MSH3: variants seen among roughly 807,000 people sequenced by gnomAD.
The protein encoded by MSH3 is mutS homolog 3, also known as DNA mismatch repair protein Msh3.
A neutral mutation model predicts 123.3 loss-of-function variants in MSH3; 106 were observed. The observed-to-expected ratio is 0.86, with a 90% confidence interval of 0.73 to 1.01. The LOEUF (loss-of-function observed/expected upper bound fraction) is 1.01, where lower values mean the gene tolerates loss of function less well. Ranked by LOEUF, MSH3 falls within the 50% of genes least tolerant of loss-of-function variation. The probability of loss-of-function intolerance (pLI) is 0.00; values close to 1 mark genes in which losing one functional copy is unlikely to be tolerated. For missense variants in MSH3, 1,459 were observed against 1,347.6 expected (o/e 1.08, Z -1.29); for synonymous variants, 515 against 481.4 (o/e 1.07, Z -0.91).
At chr5:80,701,528 A>G (rs1391607771) in intron 8 of MSH3, among the ~76,000 whole-genome samples, 3 of 152,144 alleles carry the variant, frequency 2.0e-5, no homozygotes, top group Non-Finnish European at 4.4e-5. Context: ...AACTCCAAAT[A>G]CAGTTACTGT....
intron 10 of MSH3, among the ~76,000 whole-genome samples, chr5:80,733,243 T>C (rs866855672): frequency 6.6e-6 from 1 of 152,182 alleles, no homozygotes; most frequent in Non-Finnish European, 1.5e-5. Flanking sequence ...AATAGATTTT[T>C]TTCAAACAAA....
intron 15 of MSH3, among the ~76,000 whole-genome samples, chr5:80,770,710 AAC>A (rs1367196333): frequency 1.3e-5 from 2 of 152,206 alleles, no homozygotes; most frequent in Admixed American, 6.5e-5. Flanking sequence ...TCCAAATATT[AAC>A]ACAAAGATTC....
chr5:80,840,040 GA>G (rs1462445971), intron 20 of MSH3, among the ~76,000 whole-genome samples: 2 of 152,134 alleles, frequency 1.3e-5, no homozygotes, highest in African/African-American at 4.8e-5. Flanking sequence ...AAAATATGAA[GA>G]AATTTTTTAT....
chr5:80,817,463 C>A (rs1745125640), intron 20 of MSH3, among the ~76,000 whole-genome samples: 1 of 152,150 alleles, frequency 6.6e-6, no homozygotes, highest in Middle Eastern at 3.4e-3. Context: ...CAGGAGAGAT[C>A]CAGTGAGGGA....
At chr5:80,705,840 G>A (rs1750711628) in intron 8 of MSH3, among the ~76,000 whole-genome samples, 1 of 152,120 alleles carries the variant, frequency 6.6e-6, no homozygotes, top group Non-Finnish European at 1.5e-5. Context: ...GGTCATATTG[G>A]ATTAGGGCCC....
At chr5:80,835,609 T>C (rs1338936480) in intron 20 of MSH3, among the ~76,000 whole-genome samples, 1 of 152,130 alleles carries the variant, frequency 6.6e-6, no homozygotes, top group East Asian at 1.9e-4. Flanking sequence ...AAATGCAGTG[T>C]TTTTAACTAA....
intron 13 of MSH3, among the ~76,000 whole-genome samples, chr5:80,764,786 G>A (rs1348882116): frequency 6.6e-6 from 1 of 152,166 alleles, no homozygotes; most frequent in Non-Finnish European, 1.5e-5. Flanking sequence ...AGTAACTGCC[G>A]AGGTTGGTGA....
chr5:80,818,443 G>GA (rs1264134977), intron 20 of MSH3, among the ~76,000 whole-genome samples: 1 of 130,410 alleles, frequency 7.7e-6, no homozygotes, highest in Non-Finnish European at 1.6e-5. Flanking sequence ...AGAGGGAAGA[G>GA]AACCTGCATA....
intron 20 of MSH3, among the ~76,000 whole-genome samples, chr5:80,814,166 C>A (rs1745060229): frequency 6.6e-6 from 1 of 151,282 alleles, no homozygotes; most frequent in African/African-American, 2.4e-5. Context: ...AGAAAAAAAA[C>A]CCACGTTATT....
At chr5:80,762,796 TTATGTTATGTTATGTTATG>T (rs1561469598) in intron 13 of MSH3, among the ~76,000 whole-genome samples, 22 of 134,322 alleles carry the variant, frequency 1.6e-4, no homozygotes, top group African/African-American at 5.8e-4. Context: ...TTATTTTATG[TTATGTTATGTTATGTTATG>T]TTATGTTATG....
intron 19 of MSH3, among the ~76,000 whole-genome samples, chr5:80,802,222 T>G (rs2112038102): frequency 6.6e-6 from 1 of 150,988 alleles, no homozygotes; most frequent in Admixed American, 6.7e-5. Flanking sequence ...AATTTTTATA[T>G]CCTGCTCTTT....
At chr5:80,676,356 G>A (rs572327073) in intron 7 of MSH3, among the ~76,000 whole-genome samples, 1 of 152,256 alleles carries the variant, frequency 6.6e-6, no homozygotes, top group South Asian at 2.1e-4. Flanking sequence ...TGATTTTCTG[G>A]CAGTTTATGA....
In MSH3 at chr5:80,873,178, G is replaced by T; in HGVS notation, c.3193G>T (p.Ala1065Ser). Residue 1065 changes from alanine to serine, a missense_variant, in exon 23 of 24, where the codon GCA (alanine) becomes TCA (serine). Physicochemically the swap from Ala to Ser is moderately conservative, Grantham distance 99. Coordinates refer to ENST00000265081, the MANE Select transcript of MSH3 (RefSeq NM_002439.5). Reference sequence around the variant, plus strand: ...TTACCAAATAACTAGAGGAATTGCAGCAAGGAGTTATGGATTAAATGTGGC... The same window carrying T: ...TTACCAAATAACTAGAGGAATTGCATCAAGGAGTTATGGATTAAATGTGGC... Reference protein sequence around the residue: ...FLYQITRGIAARSYGLNVAKL... With the variant: ...FLYQITRGIASRSYGLNVAKL... The T allele has an allele frequency of 6.2e-7, 1 of 1,613,738 alleles. No homozygotes were observed. Among genetic ancestry groups the T allele is most frequent in the Non-Finnish European group, 8.5e-7 (1 of 1,179,690 alleles).
At chr5:80,713,166 T>C (rs2112846502) in intron 8 of MSH3, among the ~76,000 whole-genome samples, 2 of 152,334 alleles carry the variant, frequency 1.3e-5, no homozygotes, top group African/African-American at 2.4e-5. Context: ...TTGTTCACAG[T>C]TGAACATTAG....
At chr5:80,655,214 A>G (rs1263495054) in intron 1 of MSH3, 3 of 353,208 alleles carry the variant, frequency 8.5e-6, no homozygotes, top group Non-Finnish European at 1.5e-5. Context: ...TGAGACAGGA[A>G]CTCAGGTCTC....
At chr5:80,732,728 G>T (rs1469726226) in intron 10 of MSH3, among the ~76,000 whole-genome samples, 1 of 152,066 alleles carries the variant, frequency 6.6e-6, no homozygotes, top group Non-Finnish European at 1.5e-5. Context: ...ATACTGGCTT[G>T]GTTTAAAAAT....
chr5:80,842,147 A>G (rs1442190181), intron 20 of MSH3, among the ~76,000 whole-genome samples: 5 of 152,194 alleles, frequency 3.3e-5, no homozygotes, highest in Admixed American at 2.6e-4. Context: ...TCCCAGCACC[A>G]TTTATTAAGT....
intron 19 of MSH3, among the ~76,000 whole-genome samples, chr5:80,798,234 A>G (rs1744732677): frequency 6.6e-6 from 1 of 152,108 alleles, no homozygotes. Flanking sequence ...AGACATTGAG[A>G]TGCTAGTCAC....
At chr5:80,671,804 C>T (rs1749730728) in intron 4 of MSH3, among the ~76,000 whole-genome samples, 1 of 152,156 alleles carries the variant, frequency 6.6e-6, no homozygotes, top group Non-Finnish European at 1.5e-5. Context: ...TGGGGTTTCT[C>T]TTTTTACTTT....
Sources: gnomAD v4.1 joint callset for allele counts (sites outside exome capture counted in the v4.1 genomes callset) on GRCh38, gnomAD v4.1.1 for gene constraint, MANE v1.5 for transcripts, NCBI Gene and HGNC (gene_info 2026-07-23, HGNC 2026-07-21) for gene names.